The following CPSF2 variants were observed in gnomAD, a reference collection of about 807,000 sequenced individuals.
CPSF2 encodes cleavage and polyadenylation specific factor 2.
A neutral mutation model predicts 84.2 loss-of-function variants in CPSF2; 51 were observed. That is an observed-to-expected ratio of 0.61 (90% CI 0.48 to 0.77). CPSF2 has a LOEUF of 0.77. Among genes scored for constraint, CPSF2 ranks in the 30% least tolerant of loss-of-function variants. The pLI, the probability that CPSF2 is intolerant of heterozygous loss-of-function variation, is 0.00. For synonymous variants in CPSF2, 286 were observed against 311.9 expected (o/e 0.92, Z 0.87); for missense variants, 641 against 929.4 (o/e 0.69, Z 4.03).
chr14:92,130,884 C>A (rs3759722), intron 2 of CPSF2, 67 bp from the exon 3 acceptor site: 238,572 of 941,794 alleles, frequency 0.25, 33,125 homozygotes, highest in East Asian at 0.47. Context: ...TAATTTTAAT[C>A]AATTTGTTTA....
chr14:92,127,334 T>C (rs549617895), intron 2 of CPSF2, among the ~76,000 whole-genome samples: 2 of 152,184 alleles, frequency 1.3e-5, no homozygotes, highest in South Asian at 2.1e-4. Context: ...AGGGAAAATA[T>C]ATATAAAAGT....
chr14:92,155,925 A>G (rs142727902), intron 11 of CPSF2, among the ~76,000 whole-genome samples: 1 of 152,290 alleles, frequency 6.6e-6, no homozygotes, highest in East Asian at 1.9e-4. Flanking sequence ...TATTAGAAAA[A>G]CAACTGCAAT....
rs1222722128 is a variant in CPSF2, at chr14:92,165,852, A to ATTTTTTTTTTTT, written c.*4109_*4110insTTTTTTTTTTTT. 1.9e-5 allele frequency: 1 copy of ATTTTTTTTTTTT among 53,916 alleles called. No individual in the cohort carries two copies. The highest frequency in any genetic ancestry group is 3.3e-5 in the Non-Finnish European group (1 of 30,028). 3.3% of individuals were successfully genotyped at this position (53,916 alleles called of 1,614,324 possible). A position where few individuals can be genotyped will look rare whatever the true frequency, so the allele number is the denominator to read the frequency against. On this transcript the variant is annotated 3_prime_UTR_variant, in exon 16 of 16. Transcript: ENST00000298875. ...TTCAGTTCTTTGTGCTTGGTTTTAT[A>ATTTTTTTTTTTT]TCTTTTTTTTTTTTTTTTTTTTTTT...
rs1421659193 is a variant in CPSF2, at chr14:92,168,239, C to T, written c.*6495C>T. The stretch of plus-strand genomic sequence containing the variant: ...CTCCATCTTGGGCGACAGAGCGCAA[C>T]TCTGTCTCCAAAAAAAAAAAAAAAA... On this transcript the variant is annotated 3_prime_UTR_variant, in exon 16 of 16. Coordinates refer to ENST00000298875, the MANE Select transcript of CPSF2 (RefSeq NM_017437.3). The T allele has an allele frequency of 1.6e-5, 2 of 121,710 alleles. No individual in the cohort carries two copies. The highest frequency in any genetic ancestry group is 7.0e-5 in the African/African-American group (2 of 28,572). 7.5% of individuals were successfully genotyped at this position (121,710 alleles called of 1,614,324 possible). A position where few individuals can be genotyped will look rare whatever the true frequency, so the allele number is the denominator to read the frequency against.
Position 92,165,945 on chromosome 14 carries a change from T to G in CPSF2, c.*4201T>G, listed in dbSNP as rs1438681258. ...GGCGCGGTCTCAGCTCACTGCAACC[T>G]CTGCCTCCCAGATTAAAGGGATTCT... On this transcript the variant is annotated 3_prime_UTR_variant, in exon 16 of 16. Coordinates refer to ENST00000298875, the MANE Select transcript of CPSF2 (RefSeq NM_017437.3). The G allele has an allele frequency of 1.5e-5, 2 of 136,578 alleles. No homozygotes were observed. Among genetic ancestry groups the G allele is most frequent in the African/African-American group, 5.4e-5 (2 of 36,698 alleles). The allele number at this position is 136,578 out of a possible 1,614,324, so 8.5% of individuals were successfully genotyped here.
chr14:92,171,751 A>G lies in CPSF2; in HGVS notation c.*10007A>G, dbSNP rs1028512564. 6.6e-6 allele frequency: 1 copy of G among 152,172 alleles called. No homozygotes were observed. Among genetic ancestry groups the G allele is most frequent in the Non-Finnish European group, 1.5e-5 (1 of 68,032 alleles). The allele number at this position is 152,172 out of a possible 1,614,324, so 9.4% of individuals were successfully genotyped here. ...ATCCATCCATATATATATTAAAAAC[A>G]AGTACACACTGATACCTATTTCACA... On this transcript the variant is annotated 3_prime_UTR_variant, in exon 16 of 16. Coordinates refer to ENST00000298875, the MANE Select transcript of CPSF2 (RefSeq NM_017437.3).
intron 8 of CPSF2, 87 bp from the exon 9 acceptor site, chr14:92,142,917 T>C: frequency 8.4e-7 from 1 of 1,186,814 alleles, no homozygotes; most frequent in Non-Finnish European, 1.2e-6. Flanking sequence ...GGGTAAAAGA[T>C]AGAACTTGAA....
chr14:92,135,315 C>G, intron 5 of CPSF2, 52 bp from the exon 6 acceptor site: 1 of 1,482,040 alleles, frequency 6.7e-7, no homozygotes, highest in Non-Finnish European at 9.1e-7. Flanking sequence ...AATAAATAAC[C>G]TTTCTTTAGG....
chr14:92,129,199 G>T (rs2068883898), intron 2 of CPSF2, among the ~76,000 whole-genome samples: 1 of 152,160 alleles, frequency 6.6e-6, no homozygotes, highest in Non-Finnish European at 1.5e-5. Context: ...GTAAGAGGAA[G>T]AGTATGATGA....
In CPSF2 at chr14:92,166,878, T is replaced by C. The variant is rs2069454099; in HGVS notation, c.*5134T>C. ...CTAGTACCACATGTCTTCATTACTGTAGCTTTGTAGTAACTTTTGAAATTG... is the reference window on the plus strand; with the variant it reads ...CTAGTACCACATGTCTTCATTACTGCAGCTTTGTAGTAACTTTTGAAATTG... On this transcript the variant is annotated 3_prime_UTR_variant, in exon 16 of 16. Transcript: ENST00000298875. The C allele has an allele frequency of 1.3e-5, 2 of 152,202 alleles. No individual in the cohort carries two copies. Among genetic ancestry groups the C allele is most frequent in the African/African-American group, 4.8e-5 (2 of 41,440 alleles). 9.4% of individuals were successfully genotyped at this position (152,202 alleles called of 1,614,324 possible). A position where few individuals can be genotyped will look rare whatever the true frequency, so the allele number is the denominator to read the frequency against.
Position 92,159,803 on chromosome 14 carries a change from G to T in CPSF2, c.2121+521G>T, listed in dbSNP as rs964867678. Reference sequence around the variant, plus strand: ...TATTAATTCTATATAGCTAAGGAATGACATATCTTTAGCAAATCTTTTAAG... The same window carrying T: ...TATTAATTCTATATAGCTAAGGAATTACATATCTTTAGCAAATCTTTTAAG... On this transcript the variant is annotated intron_variant, in intron 14 of 15. Transcript: ENST00000298875. 4.6e-5 allele frequency among the ~76,000 whole-genome samples: 7 copies of T among 151,816 alleles called. No homozygotes were observed. In the East Asian group the frequency reaches 1.2e-3, roughly 25 times the overall value.
chr14:92,132,493 C>G (rs1010520953), intron 3 of CPSF2, among the ~76,000 whole-genome samples: 1 of 151,896 alleles, frequency 6.6e-6, no homozygotes, highest in East Asian at 1.9e-4. Context: ...AGTTTGCGAC[C>G]AGGCACAGTG....
At chr14:92,156,426 T>C in intron 11 of CPSF2, 53 bp from the exon 12 acceptor site, 1 of 1,478,934 alleles carries the variant, frequency 6.8e-7, no homozygotes, top group Non-Finnish European at 9.2e-7. Context: ...TCATATATGT[T>C]ATGTAGTATT....
At chr14:92,161,435 G>T (rs2069370594) in intron 15 of CPSF2, among the ~76,000 whole-genome samples, 189 bp downstream of exon 15, 1 of 152,092 alleles carries the variant, frequency 6.6e-6, no homozygotes, top group Non-Finnish European at 1.5e-5. Context: ...TTGAAGAAAT[G>T]ATATATAATT....
At chr14:92,125,889 G>A (rs1473516915) in intron 1 of CPSF2, among the ~76,000 whole-genome samples, 2 of 151,546 alleles carry the variant, frequency 1.3e-5, no homozygotes, top group African/African-American at 4.9e-5. Context: ...ATAACATAAG[G>A]TAATGTCAAC....
intron 13 of CPSF2, among the ~76,000 whole-genome samples, chr14:92,158,215 G>GA (rs1466421507): frequency 7.9e-5 from 12 of 152,320 alleles, no homozygotes; most frequent in Non-Finnish European, 1.2e-4. Context: ...GAAAGGGGGG[G>GA]AAGAGCGTTC....
rs1567030108 is a variant in CPSF2 at position 92,166,772 on chromosome 14, CCT to C, written c.*5029_*5030del. 1 of 152,044 alleles carries C rather than the reference CCT, an allele frequency of 6.6e-6. No homozygotes were observed. Among genetic ancestry groups the C allele is most frequent in the African/African-American group, 2.4e-5 (1 of 41,404 alleles). 9.4% of individuals were successfully genotyped at this position (152,044 alleles called of 1,614,324 possible). A position where few individuals can be genotyped will look rare whatever the true frequency, so the allele number is the denominator to read the frequency against. On this transcript the variant is annotated 3_prime_UTR_variant, in exon 16 of 16. Transcript: ENST00000298875. Reference sequence around the variant, plus strand: ...TCTTCATTGATTTTTTTCTGCCACCCCTGTTTAAAATCAGTTGCCCATGAGTG... The same window carrying C: ...TCTTCATTGATTTTTTTCTGCCACCCGTTTAAAATCAGTTGCCCATGAGTG...
chr14:92,160,587 T>G (rs2069359059), intron 14 of CPSF2, among the ~76,000 whole-genome samples: 1 of 152,212 alleles, frequency 6.6e-6, no homozygotes, highest in Non-Finnish European at 1.5e-5. Context: ...CTAAAGCTAA[T>G]GCTCTTCAAA....
At chr14:92,127,846 TGTA>T (rs1281792658) in intron 2 of CPSF2, among the ~76,000 whole-genome samples, 1 of 152,182 alleles carries the variant, frequency 6.6e-6, no homozygotes, top group African/African-American at 2.4e-5. Context: ...GGTTAATAGA[TGTA>T]GTATCTGGAA....
Sources: gnomAD v4.1 joint callset for allele counts (sites outside exome capture counted in the v4.1 genomes callset) on GRCh38, gnomAD v4.1.1 for gene constraint, MANE v1.5 for transcripts, NCBI Gene and HGNC (gene_info 2026-07-23, HGNC 2026-07-21) for gene names.